FRMD4B: variants seen among roughly 807,000 people sequenced by gnomAD.
The protein encoded by FRMD4B is FERM domain-containing protein 4B.
In FRMD4B, 74 loss-of-function variants were observed where a neutral mutation model predicts 141.5. The ratio of observed to expected loss-of-function variants is 0.52; its 90% CI spans 0.43 to 0.63. The LOEUF (loss-of-function observed/expected upper bound fraction) is 0.63, where lower values mean the gene tolerates loss of function less well. Among genes scored for constraint, FRMD4B ranks in the 30% least tolerant of loss-of-function variants. The probability of loss-of-function intolerance (pLI) is 0.00; values close to 1 mark genes in which losing one functional copy is unlikely to be tolerated. For synonymous variants in FRMD4B, 506 were observed against 467.9 expected (o/e 1.08, Z -1.05); for missense variants, 1,366 against 1,253.4 (o/e 1.09, Z -1.36).
In FRMD4B at chr3:69,333,883, T is replaced by A. The variant is rs1258997590; in HGVS notation, c.163-20366A>T. Reference sequence around the variant, plus strand: ...GGGTAGGTGTCAGATAACCAAAACTTATGCCATAATTGAAGTGGCCAGAAA... The same window carrying A: ...GGGTAGGTGTCAGATAACCAAAACTAATGCCATAATTGAAGTGGCCAGAAA... On this transcript the variant is annotated intron_variant, in intron 1 of 22. Transcript: ENST00000398540. The A allele has an allele frequency of 4.6e-5, 7 of 152,332 alleles. No individual in the cohort carries two copies. The East Asian group carries it at 1.2e-3, about 25-fold the overall frequency. The allele number at this position is 152,332 out of a possible 1,614,324, so 9.4% of individuals were successfully genotyped here. A position where few individuals can be genotyped will look rare whatever the true frequency, so the allele number is the denominator to read the frequency against.
At chr3:69,300,750 T>A (rs1701188345) in intron 4 of FRMD4B, among the ~76,000 whole-genome samples, 1 of 152,164 alleles carries the variant, frequency 6.6e-6, no homozygotes, top group Non-Finnish European at 1.5e-5. Flanking sequence ...TTTGTTTTTG[T>A]TTTTTGGCGA....
chr3:69,226,932 G>A lies in FRMD4B; in HGVS notation c.582-2242C>T, dbSNP rs548201531. 2.0e-5 allele frequency among the ~76,000 whole-genome samples: 3 copies of A among 152,226 alleles called. No individual in the cohort carries two copies. The East Asian group carries it at 5.8e-4, about 29-fold the overall frequency. ...TAGTCCTATGTCCCTCAAAGCACAA[G>A]TATCTCACGACACTGAGATTTTTCC... On this transcript the variant is annotated intron_variant, in intron 7 of 22. Coordinates refer to ENST00000398540, the MANE Select transcript of FRMD4B (RefSeq NM_015123.3).
At chr3:69,295,077 A>G (rs1700994342) in intron 4 of FRMD4B, among the ~76,000 whole-genome samples, 1 of 152,170 alleles carries the variant, frequency 6.6e-6, no homozygotes. Flanking sequence ...GTTAACATTT[A>G]TATAGGGTCT....
chr3:69,265,269 AATATATATATATATATATATATATAT>A (rs1175250592), intron 5 of FRMD4B, among the ~76,000 whole-genome samples: 331 of 23,442 alleles, frequency 0.014, 69 homozygotes, highest in Non-Finnish European at 0.021. Flanking sequence ...AAAAAAAAAA[AATATATATATATATATATATATATAT>A]ATATATATAT....
intron 4 of FRMD4B, among the ~76,000 whole-genome samples, chr3:69,291,335 A>G (rs762498562): frequency 6.6e-6 from 1 of 152,250 alleles, no homozygotes; most frequent in Non-Finnish European, 1.5e-5. Flanking sequence ...AAAGCTCATA[A>G]GAATTTCTTA....
chr3:69,433,687 G>A (rs1329532194), intron 1 of FRMD4B, among the ~76,000 whole-genome samples: 2 of 152,162 alleles, frequency 1.3e-5, no homozygotes, highest in African/African-American at 4.8e-5. Flanking sequence ...CATATTCAAG[G>A]AGCTTAACTC....
At chr3:69,416,952 T>C (rs889126982) in intron 2 of FRMD4B, among the ~76,000 whole-genome samples, 4 of 152,220 alleles carry the variant, frequency 2.6e-5, no homozygotes, top group South Asian at 2.1e-4. Context: ...AGTCTATCAG[T>C]GATGGGCATT....
At chr3:69,383,809 T>G (rs2106694169) in intron 1 of FRMD4B, among the ~76,000 whole-genome samples, 1 of 152,248 alleles carries the variant, frequency 6.6e-6, no homozygotes, top group South Asian at 2.1e-4. Flanking sequence ...ATCCTCTCAC[T>G]TCAGCCTCCC....
At chr3:69,458,792 G>A (rs1435219384) in intron 1 of FRMD4B, among the ~76,000 whole-genome samples, 1 of 145,888 alleles carries the variant, frequency 6.9e-6, no homozygotes, top group East Asian at 2.1e-4. Context: ...TGGGTAGAAT[G>A]TGGGTCTTCC....
intron 11 of FRMD4B, among the ~76,000 whole-genome samples, chr3:69,207,686 T>C (rs1269361253): frequency 1.3e-5 from 2 of 152,026 alleles, no homozygotes; most frequent in Non-Finnish European, 1.5e-5. Context: ...GACATGCCTA[T>C]ACTCCCAGCT....
intron 1 of FRMD4B, among the ~76,000 whole-genome samples, chr3:69,493,610 C>T (rs1437173964): frequency 6.6e-6 from 1 of 152,152 alleles, no homozygotes; most frequent in Non-Finnish European, 1.5e-5. Flanking sequence ...TACACCAGCA[C>T]TCCATTTATT....
chr3:69,281,508 C>T (rs2093644290), intron 5 of FRMD4B, among the ~76,000 whole-genome samples: 1 of 151,984 alleles, frequency 6.6e-6, no homozygotes, highest in Non-Finnish European at 1.5e-5. Context: ...TACTGAATGC[C>T]CAATGTGTGC....
intron 7 of FRMD4B, among the ~76,000 whole-genome samples, chr3:69,241,716 G>A (rs2093385286): frequency 6.6e-6 from 1 of 151,920 alleles, no homozygotes; most frequent in South Asian, 2.1e-4. Flanking sequence ...TGGCCAACAA[G>A]GTAAAACCCC....
At position 69,309,479 on chromosome 3, in the gene FRMD4B, G is replaced by A. The variant is rs553018002; in HGVS notation, c.323+1784C>T. Among the ~76,000 whole-genome samples, 91 of 150,816 alleles carry A rather than the reference G, an allele frequency of 6.0e-4. 2 individuals carry two copies. The highest frequency in any genetic ancestry group is 1.5e-3 in the Admixed American group (22 of 15,142). On this transcript the variant is annotated intron_variant, in intron 3 of 22. Coordinates refer to ENST00000398540, the MANE Select transcript of FRMD4B (RefSeq NM_015123.3). ...ACTTGAGACAAGGTCTCACTCTGTC[G>A]CCCAGGCTGGATGGCAGTAGTGCCA...
intron 3 of FRMD4B, among the ~76,000 whole-genome samples, chr3:69,306,017 A>T (rs558983385): frequency 6.6e-6 from 1 of 152,350 alleles, no homozygotes; most frequent in Non-Finnish European, 1.5e-5. Flanking sequence ...GACTGGACTC[A>T]ACCATGACAT....
At chr3:69,340,694 G>A (rs148065510) in intron 1 of FRMD4B, among the ~76,000 whole-genome samples, 1 of 152,162 alleles carries the variant, frequency 6.6e-6, no homozygotes, top group Non-Finnish European at 1.5e-5. Flanking sequence ...AGGTTTAGAT[G>A]AGCTGATGTA....
At chr3:69,485,902 GC>G (rs1706207468) in intron 1 of FRMD4B, among the ~76,000 whole-genome samples, 1 of 152,252 alleles carries the variant, frequency 6.6e-6, no homozygotes, top group African/African-American at 2.4e-5. Flanking sequence ...ACACCAGAAG[GC>G]CCATCGCTGC....
intron 1 of FRMD4B, among the ~76,000 whole-genome samples, chr3:69,350,426 G>T (rs1376448908): frequency 6.6e-6 from 1 of 152,138 alleles, no homozygotes; most frequent in Non-Finnish European, 1.5e-5. Context: ...CGATTCCTCA[G>T]GGATCTAGCA....
chr3:69,233,948 C>T (rs1450932519), intron 7 of FRMD4B, among the ~76,000 whole-genome samples: 1 of 152,090 alleles, frequency 6.6e-6, no homozygotes, highest in Non-Finnish European at 1.5e-5. Context: ...ATCATAGCAG[C>T]TACAAAAGTT....
Sources: allele counts gnomAD v4.1 joint callset (sites outside exome capture counted in the v4.1 genomes callset), GRCh38; gene constraint gnomAD v4.1.1; transcripts MANE v1.5; gene names NCBI Gene and HGNC (gene_info 2026-07-23, HGNC 2026-07-21).